Variants in DTNB observed in about 807,000 individuals in gnomAD.
The protein encoded by DTNB is DTN-B.
DTNB carries 63 observed loss-of-function variants against 90.7 expected under a neutral mutation model. That is an observed-to-expected ratio of 0.69 (90% confidence interval 0.57 to 0.86). DTNB has a LOEUF of 0.86. Ranked by LOEUF, DTNB falls within the 40% of genes least tolerant of loss-of-function variation. DTNB has a pLI of 0.00. For synonymous variants in DTNB, 277 were observed against 286.7 expected, an observed-to-expected ratio of 0.97 and a Z score of 0.34; for missense variants, 744 against 807.1, an observed-to-expected ratio of 0.92 and a Z score of 0.95.
Position 25,569,285 on chromosome 2 carries a change from A to G in DTNB, c.876+7553T>C, listed in dbSNP as rs115604261. On this transcript the variant is annotated intron_variant, in intron 8 of 20. Coordinates refer to ENST00000406818, the MANE Select transcript of DTNB (RefSeq NM_021907.5). ...ATGTCACTAACTTTTGCTGCTTATT[A>G]TGCAGCAAGAGTCACTGGAACACCA... is the stretch of plus-strand genomic sequence containing the variant. Among the ~76,000 whole-genome samples, 998 of 152,340 alleles carry G rather than the reference A, an allele frequency of 6.6e-3. 12 individuals are homozygous for G. The highest frequency in any genetic ancestry group is 0.023 in the African/African-American group (949 of 41,574).
chr2:25,658,953 G>C (rs1466743974), intron 1 of DTNB, among the ~76,000 whole-genome samples: 1 of 151,698 alleles, frequency 6.6e-6, no homozygotes, highest in Admixed American at 6.6e-5. Context: ...GTACAGACAG[G>C]GTCTCATTAT....
At chr2:25,587,916 C>A (rs2062756058) in intron 6 of DTNB, among the ~76,000 whole-genome samples, 2 of 151,764 alleles carry the variant, frequency 1.3e-5, no homozygotes, top group African/African-American at 4.8e-5. Context: ...TTTTTTCTAC[C>A]CCTAAGAAAG....
intron 16 of DTNB, chr2:25,388,638 C>T: frequency 2.6e-6 from 1 of 379,504 alleles, no homozygotes; most frequent in Admixed American, 4.3e-5. Context: ...GTGGTGGAGA[C>T]AGAGTGAGCT....
At chr2:25,609,771 G>A (rs1269831155) in intron 4 of DTNB, among the ~76,000 whole-genome samples, 1 of 151,424 alleles carries the variant, frequency 6.6e-6, no homozygotes, top group East Asian at 1.9e-4. Flanking sequence ...GCCTAGGGTG[G>A]GGCGTTGACA....
intron 6 of DTNB, among the ~76,000 whole-genome samples, chr2:25,584,437 G>A (rs2062035528): frequency 6.6e-6 from 1 of 151,876 alleles, no homozygotes; most frequent in South Asian, 2.1e-4. Context: ...CAAAACCATG[G>A]CACTCTTCTC....
At chr2:25,553,505 A>G (rs986333742) in intron 8 of DTNB, among the ~76,000 whole-genome samples, 1 of 152,070 alleles carries the variant, frequency 6.6e-6, no homozygotes, top group Admixed American at 6.6e-5. Flanking sequence ...AGGGAGGCTG[A>G]GGCAGGTAGA....
intron 1 of DTNB, among the ~76,000 whole-genome samples, 197 bp downstream of exon 1, chr2:25,673,189 G>A (rs1344577861): frequency 6.6e-6 from 1 of 151,478 alleles, no homozygotes; most frequent in East Asian, 2.0e-4. Flanking sequence ...GGCTAGCCGC[G>A]CCGTCCCACC....
At chr2:25,566,412 C>T (rs766366525) in intron 8 of DTNB, among the ~76,000 whole-genome samples, 3 of 152,198 alleles carry the variant, frequency 2.0e-5, no homozygotes, top group Non-Finnish European at 2.9e-5. Context: ...GCCTGGACTT[C>T]TGACTTACAA....
At chr2:25,519,976 G>A (rs777404838) in intron 9 of DTNB, among the ~76,000 whole-genome samples, 5 of 152,136 alleles carry the variant, frequency 3.3e-5, no homozygotes, top group Non-Finnish European at 7.4e-5. Context: ...TACTGTGGAA[G>A]ACAGTGTTTC....
At chr2:25,659,987 C>T (rs756536374) in intron 1 of DTNB, among the ~76,000 whole-genome samples, 21 of 152,012 alleles carry the variant, frequency 1.4e-4, no homozygotes, top group Admixed American at 8.5e-4. Flanking sequence ...AGTCCATGAA[C>T]GTATGAAAAC....
At chr2:25,573,638 A>G (rs2060210859) in intron 8 of DTNB, among the ~76,000 whole-genome samples, 1 of 152,090 alleles carries the variant, frequency 6.6e-6, no homozygotes, top group South Asian at 2.1e-4. Flanking sequence ...CTTTTCCAAC[A>G]CTTGACCTAG....
chr2:25,518,117 A>G (rs184388884), intron 9 of DTNB, among the ~76,000 whole-genome samples: 56 of 152,358 alleles, frequency 3.7e-4, no homozygotes, highest in Admixed American at 1.9e-3. Flanking sequence ...TCTGTTTAAC[A>G]ACAACACGAT....
intron 16 of DTNB, among the ~76,000 whole-genome samples, chr2:25,404,236 TGTA>T (rs1174456768): frequency 6.6e-6 from 1 of 152,142 alleles, no homozygotes; most frequent in Non-Finnish European, 1.5e-5. Context: ...CCAAACGGGA[TGTA>T]ACAGGTGCCA....
intron 8 of DTNB, among the ~76,000 whole-genome samples, chr2:25,563,545 C>T (rs1263085589): frequency 6.6e-6 from 1 of 152,180 alleles, no homozygotes; most frequent in Non-Finnish European, 1.5e-5. Context: ...TAAAGACTTA[C>T]ATCTAATCTC....
At chr2:25,395,427 CATAA>C (rs1332171611) in intron 16 of DTNB, among the ~76,000 whole-genome samples, 2 of 151,002 alleles carry the variant, frequency 1.3e-5, no homozygotes, top group Middle Eastern at 3.2e-3. Flanking sequence ...AATATGTATA[CATAA>C]ATATATAAAT....
At chr2:25,629,221 A>C (rs977149513) in intron 3 of DTNB, among the ~76,000 whole-genome samples, 4 of 152,204 alleles carry the variant, frequency 2.6e-5, no homozygotes, top group Non-Finnish European at 5.9e-5. Context: ...AAAATTCTAC[A>C]CCTAGTATAA....
intron 5 of DTNB, among the ~76,000 whole-genome samples, chr2:25,597,021 G>A (rs1415865382): frequency 6.6e-6 from 1 of 152,152 alleles, no homozygotes; most frequent in East Asian, 1.9e-4. Flanking sequence ...GAAATGTGAC[G>A]TAGGCAGTTT....
intron 8 of DTNB, among the ~76,000 whole-genome samples, chr2:25,545,945 G>A (rs181802364): frequency 1.3e-5 from 2 of 152,246 alleles, no homozygotes; most frequent in East Asian, 1.9e-4. Flanking sequence ...TTTAACTTGC[G>A]AACCCTGAAA....
intron 8 of DTNB, among the ~76,000 whole-genome samples, chr2:25,544,150 C>T (rs963117231): frequency 5.3e-5 from 8 of 152,268 alleles, no homozygotes; most frequent in East Asian, 1.9e-4. Context: ...TCAGGGCTCG[C>T]GGGTTGGGTC....
Sources: gnomAD v4.1 joint callset for allele counts (sites outside exome capture counted in the v4.1 genomes callset) on GRCh38, gnomAD v4.1.1 for gene constraint, MANE v1.5 for transcripts, NCBI Gene and HGNC (gene_info 2026-07-23, HGNC 2026-07-21) for gene names.